Variants in C10orf90 observed in about 807,000 individuals in gnomAD.
The protein encoded by C10orf90 is chromosome 10 open reading frame 90.
A neutral mutation model predicts 62.5 loss-of-function variants in C10orf90; 56 were observed. The observed-to-expected ratio is 0.90, with a 90% CI of 0.72 to 1.12. C10orf90 has a LOEUF of 1.12. C10orf90 is among the 50% of genes most tolerant of loss of function. The pLI, the probability that C10orf90 is intolerant of heterozygous loss-of-function variation, is 0.00. For synonymous variants in C10orf90, 386 were observed against 340.4 expected (o/e 1.13, Z -1.47); for missense variants, 970 against 880.4 (o/e 1.10, Z -1.29).
intron 2 of C10orf90, among the ~76,000 whole-genome samples, chr10:126,593,994 C>G (rs1845033209): frequency 6.6e-6 from 1 of 151,802 alleles, no homozygotes; most frequent in Non-Finnish European, 1.5e-5. Context: ...CACCTAAAAG[C>G]AGGATCAGCC....
chr10:126,588,602 G>A (rs1425058257), intron 2 of C10orf90, among the ~76,000 whole-genome samples: 1 of 152,060 alleles, frequency 6.6e-6, no homozygotes, highest in Non-Finnish European at 1.5e-5. Flanking sequence ...ACAGAAGAGT[G>A]GCCTGACTAT....
At chr10:126,574,208 C>A (rs1174095003) in intron 2 of C10orf90, among the ~76,000 whole-genome samples, 3 of 151,950 alleles carry the variant, frequency 2.0e-5, no homozygotes, top group African/African-American at 7.3e-5. Context: ...CAAAAATATA[C>A]CATGAACAAA....
chr10:126,470,065 GTTC>G (rs533092697), intron 4 of C10orf90: 259 of 455,418 alleles, frequency 5.7e-4, no homozygotes, highest in African/African-American at 4.6e-3. Flanking sequence ...GAGGGAAGGT[GTTC>G]TTCTGCATGT....
intron 2 of C10orf90, among the ~76,000 whole-genome samples, chr10:126,615,971 T>A (rs1173728771): frequency 6.6e-6 from 1 of 152,212 alleles, no homozygotes; most frequent in East Asian, 1.9e-4. Flanking sequence ...TCTAGGGGAT[T>A]TGTGAGTGGC....
intron 2 of C10orf90, among the ~76,000 whole-genome samples, chr10:126,635,696 G>A (rs1845937496): frequency 6.6e-6 from 1 of 152,192 alleles, no homozygotes; most frequent in Non-Finnish European, 1.5e-5. Context: ...ACACACTATG[G>A]GATGTCTCTA....
intron 7 of C10orf90, among the ~76,000 whole-genome samples, chr10:126,439,011 G>C (rs4325239): frequency 4.0e-5 from 6 of 151,818 alleles, no homozygotes; most frequent in Non-Finnish European, 8.8e-5. Context: ...ACCATACATC[G>C]TACACCAATG....
At chr10:126,596,053 C>T (rs1845078362) in intron 2 of C10orf90, among the ~76,000 whole-genome samples, 1 of 151,200 alleles carries the variant, frequency 6.6e-6, no homozygotes, top group Non-Finnish European at 1.5e-5. Flanking sequence ...GGGTAGGCAC[C>T]GATTTGTCAG....
chr10:126,512,288 A>AGT (rs377341185), intron 3 of C10orf90, among the ~76,000 whole-genome samples: 1,670 of 144,876 alleles, frequency 0.012, 38 homozygotes, highest in African/African-American at 0.035. Flanking sequence ...GAGAGACAGA[A>AGT]GTGTGTGTGT....
chr10:126,575,069 G>T (rs905537518), intron 2 of C10orf90, among the ~76,000 whole-genome samples: 2 of 152,062 alleles, frequency 1.3e-5, no homozygotes, highest in Non-Finnish European at 2.9e-5. Flanking sequence ...TGAAATTTTT[G>T]TTAGAGATAA....
chr10:126,629,930 A>G (rs563672844), intron 2 of C10orf90, among the ~76,000 whole-genome samples: 1 of 152,318 alleles, frequency 6.6e-6, no homozygotes, highest in South Asian at 2.1e-4. Flanking sequence ...TGTAAACCTC[A>G]CTGCTAGACA....
chr10:126,650,717 A>G (rs1192383432), intron 1 of C10orf90, among the ~76,000 whole-genome samples: 6 of 152,208 alleles, frequency 3.9e-5, no homozygotes, highest in African/African-American at 1.4e-4. Flanking sequence ...CTTCATTTTG[A>G]TTCTCCAAAT....
intron 2 of C10orf90, among the ~76,000 whole-genome samples, chr10:126,586,924 A>G (rs1844884394): frequency 6.6e-6 from 1 of 152,226 alleles, no homozygotes; most frequent in Non-Finnish European, 1.5e-5. Context: ...CTCAGAGGCC[A>G]GGAATGCAAA....
At chr10:126,545,521 C>T (rs1864471054) in intron 2 of C10orf90, among the ~76,000 whole-genome samples, 1 of 152,022 alleles carries the variant, frequency 6.6e-6, no homozygotes, top group Non-Finnish European at 1.5e-5. Context: ...TTGGCTACTT[C>T]AGGCTTACTC....
chr10:126,491,508 T>C (rs1302231537), intron 4 of C10orf90, among the ~76,000 whole-genome samples: 1 of 152,204 alleles, frequency 6.6e-6, no homozygotes, highest in East Asian at 1.9e-4. Flanking sequence ...TTTTAAAATA[T>C]AAAATTAAAA....
At chr10:126,570,026 C>T (rs1844473325) in intron 2 of C10orf90, among the ~76,000 whole-genome samples, 1 of 152,210 alleles carries the variant, frequency 6.6e-6, no homozygotes. Flanking sequence ...CCAGAGGCAA[C>T]AGCATGCAAT....
At chr10:126,529,435 C>G (rs1245736118) in intron 2 of C10orf90, among the ~76,000 whole-genome samples, 1 of 152,042 alleles carries the variant, frequency 6.6e-6, no homozygotes, top group Non-Finnish European at 1.5e-5. Flanking sequence ...AGGCAAGCCA[C>G]AATTTAGAAA....
At chr10:126,493,649 C>A (rs533084177) in intron 4 of C10orf90, among the ~76,000 whole-genome samples, 3 of 152,206 alleles carry the variant, frequency 2.0e-5, no homozygotes, top group African/African-American at 7.2e-5. Context: ...AGCAGCCAAG[C>A]CTGGCTGTGT....
intron 2 of C10orf90, among the ~76,000 whole-genome samples, chr10:126,627,059 G>C (rs2133824015): frequency 6.7e-6 from 1 of 148,218 alleles, no homozygotes; most frequent in African/African-American, 2.5e-5. Flanking sequence ...GAGTGCAGTG[G>C]TGCAATCTTG....
chr10:126,454,719 G>C (rs1859428416), intron 7 of C10orf90, among the ~76,000 whole-genome samples: 1 of 152,104 alleles, frequency 6.6e-6, no homozygotes, highest in Non-Finnish European at 1.5e-5. Context: ...ATCCTGCTCT[G>C]GATTCATCCT....
Sources: gnomAD v4.1 joint callset for allele counts (sites outside exome capture counted in the v4.1 genomes callset) on GRCh38, gnomAD v4.1.1 for gene constraint, MANE v1.5 for transcripts, NCBI Gene and HGNC (gene_info 2026-07-23, HGNC 2026-07-21) for gene names.